The following SYNDIG1 variants were observed in gnomAD, a reference collection of about 807,000 sequenced individuals.
SYNDIG1 encodes the protein synapse differentiation inducing 1, also known as synapse differentiation-inducing gene protein 1.
Under a neutral mutation model 19.4 loss-of-function variants are expected in SYNDIG1, and 9 were observed. The observed-to-expected ratio is 0.46, with a 90% CI of 0.28 to 0.81. The LOEUF (loss-of-function observed/expected upper bound fraction) is 0.81, where lower values mean the gene tolerates loss of function less well. SYNDIG1 is among the 30% of genes least tolerant of loss of function. SYNDIG1 has a pLI of 0.12. For synonymous variants in SYNDIG1, 141 were observed against 145.9 expected (o/e 0.97, Z 0.24); for missense variants, 311 against 343.3 (o/e 0.91, Z 0.74).
intron 3 of SYNDIG1, among the ~76,000 whole-genome samples, chr20:24,604,079 T>A (rs1393086994): frequency 5.9e-5 from 9 of 152,206 alleles, no homozygotes; most frequent in African/African-American, 1.9e-4. Context: ...TCTCTAAACC[T>A]TGTCACAAAG....
intron 3 of SYNDIG1, among the ~76,000 whole-genome samples, chr20:24,607,779 G>A (rs572657627): frequency 4.2e-4 from 64 of 152,284 alleles, no homozygotes; most frequent in African/African-American, 1.5e-3. Context: ...GACTTTTTAG[G>A]TGTACTCCAT....
intron 1 of SYNDIG1, among the ~76,000 whole-genome samples, chr20:24,481,623 G>GA (rs1335200132): frequency 1.3e-5 from 2 of 152,202 alleles, no homozygotes; most frequent in Non-Finnish European, 2.9e-5. Flanking sequence ...CCCCACTTTT[G>GA]AAGGGAGGTG....
intron 3 of SYNDIG1, among the ~76,000 whole-genome samples, chr20:24,643,248 C>G (rs1366068573): frequency 6.6e-6 from 1 of 152,194 alleles, no homozygotes; most frequent in Non-Finnish European, 1.5e-5. Flanking sequence ...TATCCACTTA[C>G]TTAATTGTTC....
intron 1 of SYNDIG1, among the ~76,000 whole-genome samples, chr20:24,492,347 C>T (rs944589962): frequency 6.6e-6 from 1 of 152,164 alleles, no homozygotes; most frequent in African/African-American, 2.4e-5. Context: ...GGAGGGTAGG[C>T]TCGGCCCCGC....
intron 2 of SYNDIG1, among the ~76,000 whole-genome samples, chr20:24,578,262 G>T (rs1174136712): frequency 6.6e-6 from 1 of 152,060 alleles, no homozygotes; most frequent in African/African-American, 2.4e-5. Context: ...GGCTAACATG[G>T]TGAAACCCCA....
intron 2 of SYNDIG1, among the ~76,000 whole-genome samples, chr20:24,552,046 A>G (rs189044878): frequency 6.6e-6 from 1 of 152,190 alleles, no homozygotes; most frequent in Non-Finnish European, 1.5e-5. Flanking sequence ...AGTTGTCACA[A>G]TTAGGAGTGG....
intron 1 of SYNDIG1, among the ~76,000 whole-genome samples, chr20:24,527,479 G>A (rs2057149262): frequency 6.6e-6 from 1 of 151,660 alleles, no homozygotes. Context: ...AGTCCTTGAT[G>A]GTCCAGAGTT....
At chr20:24,485,145 A>G (rs1475466461) in intron 1 of SYNDIG1, among the ~76,000 whole-genome samples, 1 of 152,246 alleles carries the variant, frequency 6.6e-6, no homozygotes, top group Non-Finnish European at 1.5e-5. Context: ...CTTCCCAGCT[A>G]CAGAACTGAG....
intron 2 of SYNDIG1, among the ~76,000 whole-genome samples, chr20:24,555,798 A>C (rs1457203059): frequency 6.6e-6 from 1 of 151,992 alleles, no homozygotes; most frequent in Admixed American, 6.6e-5. Flanking sequence ...TGGGGTGGAG[A>C]GTTCTGTAGA....
chr20:24,630,795 T>C (rs761445707), intron 3 of SYNDIG1, among the ~76,000 whole-genome samples: 16 of 152,206 alleles, frequency 1.1e-4, no homozygotes, highest in Non-Finnish European at 2.2e-4. Flanking sequence ...ATTGCCCCTC[T>C]ACAAGAACCC....
At chr20:24,556,108 T>A (rs1216079298) in intron 2 of SYNDIG1, among the ~76,000 whole-genome samples, 1 of 152,130 alleles carries the variant, frequency 6.6e-6, no homozygotes, top group African/African-American at 2.4e-5. Flanking sequence ...GTCTGTTTTA[T>A]CAGAGAGTAG....
intron 1 of SYNDIG1, among the ~76,000 whole-genome samples, chr20:24,488,272 A>G (rs2056026798): frequency 6.6e-6 from 1 of 152,238 alleles, no homozygotes; most frequent in Non-Finnish European, 1.5e-5. Context: ...TGGCCCTGGT[A>G]AAAGGCAAGG....
chr20:24,529,068 T>C (rs1447600862), intron 1 of SYNDIG1, among the ~76,000 whole-genome samples: 2 of 152,188 alleles, frequency 1.3e-5, no homozygotes, highest in Non-Finnish European at 1.5e-5. Flanking sequence ...CAAAATAATT[T>C]TAGAGGTGAG....
intron 3 of SYNDIG1, among the ~76,000 whole-genome samples, chr20:24,646,682 C>G (rs528440988): frequency 5.3e-5 from 8 of 150,522 alleles, no homozygotes; most frequent in African/African-American, 1.9e-4. Flanking sequence ...AGTACAGTGG[C>G]GTGATGTCGG....
In SYNDIG1 at chr20:24,501,130, A is replaced by G. The variant is rs533537162; in HGVS notation, c.-79+31377A>G. On this transcript the variant is annotated intron_variant, in intron 1 of 3. Coordinates refer to ENST00000376862, the MANE Select transcript of SYNDIG1 (RefSeq NM_024893.3). ...TTATCTACCTATGTAGATAACATCT[A>G]TCTACCTATGTAGACAGCATATTTA... Among the ~76,000 whole-genome samples, 3 of 152,330 alleles carry G rather than the reference A, an allele frequency of 2.0e-5. No homozygotes were observed. The South Asian group carries it at 6.2e-4, about 32-fold the overall frequency.
intron 3 of SYNDIG1, among the ~76,000 whole-genome samples, chr20:24,645,559 G>T (rs1025579267): frequency 1.3e-5 from 2 of 152,186 alleles, no homozygotes; most frequent in African/African-American, 2.4e-5. Flanking sequence ...AGGGAAGTGA[G>T]GGGGGAAGAC....
At chr20:24,515,008 C>A (rs1197953672) in intron 1 of SYNDIG1, among the ~76,000 whole-genome samples, 1 of 152,192 alleles carries the variant, frequency 6.6e-6, no homozygotes, top group African/African-American at 2.4e-5. Flanking sequence ...AACTGAATAA[C>A]CTGCTCCTGA....
At chr20:24,542,078 G>A (rs558425580) in intron 1 of SYNDIG1, among the ~76,000 whole-genome samples, 42 of 152,268 alleles carry the variant, frequency 2.8e-4, no homozygotes, top group Non-Finnish European at 2.9e-4. Flanking sequence ...AAGAGATATC[G>A]AAGGATGCGG....
intron 2 of SYNDIG1, among the ~76,000 whole-genome samples, chr20:24,567,885 G>T (rs956847679): frequency 2.6e-5 from 4 of 152,242 alleles, no homozygotes; most frequent in Non-Finnish European, 5.9e-5. Flanking sequence ...TGTAATCACA[G>T]CACTTTGGGA....
Sources: allele counts gnomAD v4.1 joint callset (sites outside exome capture counted in the v4.1 genomes callset), GRCh38; gene constraint gnomAD v4.1.1; transcripts MANE v1.5; gene names NCBI Gene and HGNC (gene_info 2026-07-23, HGNC 2026-07-21).